Variants in ECM2 observed in about 807,000 individuals in gnomAD.
ECM2 encodes the protein extracellular matrix protein 2.
In ECM2, 57 loss-of-function variants were observed where a neutral mutation model predicts 67.5. The observed-to-expected ratio is 0.84, with a 90% confidence interval of 0.68 to 1.05. ECM2 has a LOEUF of 1.05. Ranked by LOEUF, ECM2 falls within the 50% of genes least tolerant of loss-of-function variation. The pLI is 0.00. For synonymous variants in ECM2, 258 were observed against 294.5 expected (o/e 0.88, Z 1.27); for missense variants, 741 against 822.8 (o/e 0.90, Z 1.22).
chr9:92,512,160 G>A, intron 4 of ECM2, 34 bp from the exon 5 acceptor site: 7 of 1,467,030 alleles, frequency 4.8e-6, no homozygotes, highest in Non-Finnish European at 6.7e-6. Context: ...TTAGGCATGT[G>A]TGCATATACA....
In ECM2 at chr9:92,514,711, C is replaced by G; in HGVS notation, c.974G>C (p.Arg325Thr). 2 of 1,613,934 alleles carry G rather than the reference C, an allele frequency of 1.2e-6. No individual in the cohort carries two copies. Among genetic ancestry groups the G allele is most frequent in the South Asian group, 2.2e-5 (2 of 91,042 alleles). ...CATGGCGTTGATGCAGCTGATGGTC[C>G]TGTAGGACAGAGAGCACCCGCTTGG... ...RLPSGCSLSY[R>T]TISCINAMLT... is the part of the protein sequence containing the mutation. The change falls in exon 4 of 10, where the codon AGG becomes ACG. Residue 325 changes from arginine to threonine, a missense_variant. Arg to Thr is a moderately conservative substitution (Grantham distance 71, BLOSUM62 -1). Transcript: ENST00000344604.
chr9:92,508,745 T>C (rs1847158681), intron 6 of ECM2, among the ~76,000 whole-genome samples: 1 of 152,210 alleles, frequency 6.6e-6, no homozygotes, highest in African/African-American at 2.4e-5. Flanking sequence ...CTCATTATTA[T>C]TGTTCTTTTC....
chr9:92,533,308 A>AAC (rs1563991234), intron 1 of ECM2, among the ~76,000 whole-genome samples: 1 of 67,312 alleles, frequency 1.5e-5, no homozygotes, highest in African/African-American at 6.9e-5. Flanking sequence ...TCAAACAAAA[A>AAC]AAAAAAAAAA....
intron 6 of ECM2, among the ~76,000 whole-genome samples, chr9:92,507,529 T>C: frequency 6.6e-6 from 1 of 152,158 alleles, no homozygotes; most frequent in East Asian, 1.9e-4. Flanking sequence ...GAACGTTTCT[T>C]GTAGGTGAGA....
Position 92,495,569 on chromosome 9 carries a change from T to G in ECM2, c.*746A>C. The G allele has an allele frequency of 1.0e-6, 1 of 979,408 alleles. No homozygotes were observed. The highest frequency in any genetic ancestry group is 1.2e-6 in the Non-Finnish European group (1 of 824,546). 60.7% of individuals were successfully genotyped at this position (979,408 alleles called of 1,614,324 possible). Reference sequence around the variant, plus strand: ...TTTCAAAAAATGTCTTAATCTTGAGTGAGGAATAGTGAAGGTAATCTTAAT... The same window carrying G: ...TTTCAAAAAATGTCTTAATCTTGAGGGAGGAATAGTGAAGGTAATCTTAAT... On this transcript the variant is annotated 3_prime_UTR_variant, in exon 10 of 10. Coordinates refer to ENST00000344604, the MANE Select transcript of ECM2 (RefSeq NM_001393.4).
At chr9:92,502,447 A>G in intron 8 of ECM2, 66 bp downstream of exon 8, 1 of 1,564,070 alleles carries the variant, frequency 6.4e-7, no homozygotes, top group South Asian at 1.1e-5. Flanking sequence ...CAGTTTCCAT[A>G]CTCTGTTTAA....
chr9:92,507,713 T>C (rs80344298), intron 6 of ECM2, among the ~76,000 whole-genome samples: 226 of 152,306 alleles, frequency 1.5e-3, no homozygotes, highest in African/African-American at 4.8e-3. Context: ...TTTCAGTCAT[T>C]AGTGACAACA....
chr9:92,552,163 T>C, the ECM2 span, among the ~76,000 whole-genome samples: 15 of 136,868 alleles, frequency 1.1e-4, no homozygotes, highest in African/African-American at 2.6e-4. Flanking sequence ...ATCTATCATA[T>C]ATATGTGATA....
chr9:92,509,750 G>T, intron 6 of ECM2, 149 bp downstream of exon 6: 1 of 778,052 alleles, frequency 1.3e-6, no homozygotes, highest in Non-Finnish European at 1.9e-6. Flanking sequence ...CCAGTCAATA[G>T]TTAAAAGAAG....
rs1846750798 is a variant in ECM2 at position 92,502,629 on chromosome 9, T to G, written c.1488A>C (p.Gln496His). Reference protein sequence around the residue: ...SIEELYLENNQIEEITEICFN... With the variant: ...SIEELYLENNHIEEITEICFN... ...AACAAATTTCAGTTATTTCTTCAAT[T>G]TGGTTATTTTCTAGGTATAATTCCT... The change falls in exon 8 of 10, where the codon CAA becomes CAC. Residue 496 changes from glutamine (Q) to histidine (H), a missense_variant. By Grantham distance (24) the Gln-to-His change is conservative (BLOSUM62 0). Coordinates refer to ENST00000344604, the MANE Select transcript of ECM2 (RefSeq NM_001393.4). The G allele has an allele frequency of 6.3e-7, 1 of 1,595,934 alleles. No individual in the cohort carries two copies. Among genetic ancestry groups the G allele is most frequent in the Non-Finnish European group, 8.6e-7 (1 of 1,166,024 alleles).
intron 1 of ECM2, among the ~76,000 whole-genome samples, chr9:92,530,953 C>T (rs1047034182): frequency 2.0e-5 from 3 of 152,098 alleles, no homozygotes; most frequent in African/African-American, 4.8e-5. Flanking sequence ...GTTTTCTGCT[C>T]CTGCATGTAA....
Position 92,517,693 on chromosome 9 carries a change from C to G in ECM2, c.475G>C (p.Ala159Pro). 6.2e-7 allele frequency: 1 copy of G among 1,614,116 alleles called. No homozygotes were observed. Among genetic ancestry groups the G allele is most frequent in the Non-Finnish European group, 8.5e-7 (1 of 1,180,006 alleles). Residue 159 changes from alanine to proline, a missense_variant, in exon 3 of 10, where the codon GCT becomes CCT. Coordinates refer to ENST00000344604, the MANE Select transcript of ECM2 (RefSeq NM_001393.4). ...CTTAGCTAAATCTCTGTACCAGTAGCGGAGCAGACCGGGCAGCATTCCCCT... is the reference window on the plus strand; with the variant it reads ...CTTAGCTAAATCTCTGTACCAGTAGGGGAGCAGACCGGGCAGCATTCCCCT... ...PEGECCPVCS[A>P]TVSYSLLSGI...
chr9:92,528,079 A>C (rs1411164664), intron 1 of ECM2: 2 of 152,502 alleles, frequency 1.3e-5, no homozygotes, highest in African/African-American at 4.8e-5. Flanking sequence ...CCATTACACC[A>C]GTATTATGAC....
At position 92,522,065 on chromosome 9, in the gene ECM2, G is replaced by GTTGTT. The variant is rs538087449; in HGVS notation, c.292+505_292+509dup. On this transcript the variant is annotated intron_variant, in intron 2 of 9. Transcript: ENST00000344604. ...TTAAGTTGTTTTTGGTTTTTTGGGGGTTGTTTTGTTTTGTTTTGTTTTGTT... is the reference window on the plus strand; with the variant it reads ...TTAAGTTGTTTTTGGTTTTTTGGGGGTTGTTTTGTTTTGTTTTGTTTTGTTTTGTT... Among the ~76,000 whole-genome samples the GTTGTT allele has an allele frequency of 4.3e-3, 656 of 152,004 alleles. 1 individual carries two copies. Among genetic ancestry groups the GTTGTT allele is most frequent in the African/African-American group, 0.011 (442 of 41,472 alleles).
rs1426005299 is a variant in ECM2, at chr9:92,524,742, G to A, written c.-27-1849C>T. 3.3e-5 allele frequency among the ~76,000 whole-genome samples: 5 copies of A among 152,270 alleles called. No individual in the cohort carries two copies. In the East Asian group the frequency reaches 7.7e-4, roughly 23 times the overall value. On this transcript the variant is annotated intron_variant, in intron 1 of 9. Transcript: ENST00000344604. ...GAACCCAGATCACAACAGATTTGCC[G>A]CTGTTATCTTTTTAATGGGAATTTA...
the ECM2 span, among the ~76,000 whole-genome samples, chr9:92,558,183 C>G: frequency 1.3e-5 from 2 of 152,238 alleles, no homozygotes; most frequent in East Asian, 3.9e-4. Flanking sequence ...TGCTGGTGAA[C>G]TAATGTGATT....
chr9:92,554,662 G>A, the ECM2 span, among the ~76,000 whole-genome samples: 2 of 151,384 alleles, frequency 1.3e-5, no homozygotes, highest in Non-Finnish European at 2.9e-5. Flanking sequence ...TTCCGAGATG[G>A]AGTCTTGATC....
intron 4 of ECM2, among the ~76,000 whole-genome samples, chr9:92,513,014 C>T (rs1424241211): frequency 6.6e-6 from 1 of 152,204 alleles, no homozygotes; most frequent in African/African-American, 2.4e-5. Flanking sequence ...ATGTTTGACA[C>T]TGGCAGTGTG....
chr9:92,554,565 C>G, the ECM2 span, among the ~76,000 whole-genome samples: 10 of 152,214 alleles, frequency 6.6e-5, no homozygotes, highest in South Asian at 1.9e-3. Flanking sequence ...TGGTATGAAA[C>G]CCACTTGATC....
Sources: gnomAD v4.1 joint callset for allele counts (sites outside exome capture counted in the v4.1 genomes callset) on GRCh38, gnomAD v4.1.1 for gene constraint, MANE v1.5 for transcripts, NCBI Gene and HGNC (gene_info 2026-07-23, HGNC 2026-07-21) for gene names.